The following ADGRE5 variants were observed in gnomAD, a reference collection of about 807,000 sequenced individuals.
ADGRE5 encodes the protein adhesion G protein-coupled receptor E5.
In ADGRE5, 72 loss-of-function variants were observed where a neutral mutation model predicts 100.3. The ratio of observed to expected loss-of-function variants is 0.72; its 90% CI spans 0.59 to 0.87. The LOEUF is 0.87. ADGRE5 is among the 40% of genes least tolerant of loss of function. ADGRE5 has a pLI of 0.00. For synonymous variants in ADGRE5, 439 were observed against 447.8 expected (o/e 0.98, Z 0.25); for missense variants, 959 against 1,094.7 (o/e 0.88, Z 1.75).
Position 14,388,481 on chromosome 19 carries a change from T to C in ADGRE5, c.54T>C (p.Ala18=). The part of the protein sequence containing the change: ...AFCVWLTLPG[A]ETQDSRGCAR... ...GTGTCTGGCTGACTCTGCCGGGAGC[T>C]GAAACCCAGGACTCCAGGGGTGAGT... Residue 18 remains alanine (A), a synonymous_variant, in exon 2 of 20, where the codon GCT becomes GCC. Coordinates refer to ENST00000242786, the MANE Select transcript of ADGRE5 (RefSeq NM_078481.4). The C allele has an allele frequency of 6.2e-7, 1 of 1,601,110 alleles. No individual in the cohort carries two copies. Among genetic ancestry groups the C allele is most frequent in the Non-Finnish European group, 8.5e-7 (1 of 1,172,926 alleles).
chr19:14,391,939 A>C (rs751902780), intron 4 of ADGRE5, among the ~76,000 whole-genome samples: 2 of 150,562 alleles, frequency 1.3e-5, no homozygotes, highest in Non-Finnish European at 3.0e-5. Flanking sequence ...TCTACTAAAA[A>C]TACAAAAATT....
rs141404743 is a variant in ADGRE5, at chr19:14,397,164, G to A, written c.566G>A (p.Arg189His). ...GTGGGCAGCTATCAGTGCCGCTGCC[G>A]CCCGGGCTGGCAACCGATTCCGGGG... ...NNVGSYQCRC[R>H]PGWQPIPGSP... Residue 189 changes from arginine (R) to histidine (H), a missense_variant, in exon 6 of 20, where the codon CGC becomes CAC. Arg to His is a conservative substitution (Grantham distance 29). Transcript: ENST00000242786. The A allele has an allele frequency of 1.1e-3, 1,802 of 1,614,078 alleles. 4 individuals carry two copies. The highest frequency in any genetic ancestry group is 1.5e-3 in the Non-Finnish European group (1,712 of 1,180,030).
chr19:14,403,022 CTTTA>C lies in ADGRE5; in HGVS notation c.1449+169_1449+172del, dbSNP rs965976640. ...ACCTCATTACTTATTTATTTCCTTA[CTTTA>C]TTTATTTAATTTAATTAATTAATTT... On this transcript the variant is annotated intron_variant, in intron 12 of 19. Coordinates refer to ENST00000242786, the MANE Select transcript of ADGRE5 (RefSeq NM_078481.4). Among the ~76,000 whole-genome samples, 9 of 152,088 alleles carry C rather than the reference CTTTA, an allele frequency of 5.9e-5. No individual in the cohort carries two copies. The South Asian group carries it at 1.0e-3, about 18-fold the overall frequency.
intron 1 of ADGRE5, among the ~76,000 whole-genome samples, chr19:14,386,240 G>A (rs62122580): frequency 0.18 from 26,620 of 151,220 alleles, 2,871 homozygotes; most frequent in South Asian, 0.25. Context: ...TTAGCCAGGC[G>A]TGGTGGTGGG....
rs767811429 is a variant in ADGRE5 at position 14,396,329 on chromosome 19, C to T, written c.347-13C>T. On this transcript the variant is annotated splice_polypyrimidine_tract_variant and intron_variant, in intron 4 of 19. Coordinates refer to ENST00000242786, the MANE Select transcript of ADGRE5 (RefSeq NM_078481.4). ...AGCTACGGGCATCCTTCACCCTCTC[C>T]TTCCTCTTGCAGATGTGGACGAATG... 5.6e-6 allele frequency: 9 copies of T among 1,614,160 alleles called. No individual in the cohort carries two copies. The highest frequency in any genetic ancestry group is 2.2e-5 in the South Asian group (2 of 91,094).
chr19:14,392,867 C>T (rs988816038), intron 4 of ADGRE5, among the ~76,000 whole-genome samples: 5 of 150,276 alleles, frequency 3.3e-5, no homozygotes, highest in African/African-American at 1.2e-4. Context: ...GACAGCACTG[C>T]ACTCCAGCTT....
At position 14,407,925 on chromosome 19, in the gene ADGRE5, G is replaced by C. The variant is rs956208084; in HGVS notation, c.2394G>C (p.Arg798=). The C allele has an allele frequency of 9.9e-6, 16 of 1,613,994 alleles. 1 individual carries two copies. The highest frequency in any genetic ancestry group is 1.4e-5 in the Non-Finnish European group (16 of 1,180,030). Residue 798 remains arginine (R), a synonymous_variant, in exon 19 of 20, where the codon CGG becomes CGC. Transcript: ENST00000242786. ...GCCGGCAGGTTCGGGAAGAATACCGGAAGTGGGCCTGCCTAGTTGCTGGGG... is the reference window on the plus strand; with the variant it reads ...GCCGGCAGGTTCGGGAAGAATACCGCAAGTGGGCCTGCCTAGTTGCTGGGG... ...LLNKKVREEY[R]KWACLVAGGS...
chr19:14,396,713 T>C (rs1975794273), intron 5 of ADGRE5, among the ~76,000 whole-genome samples: 1 of 152,240 alleles, frequency 6.6e-6, no homozygotes, highest in Non-Finnish European at 1.5e-5. Flanking sequence ...CCCTTCCTCA[T>C]CTGTCACGTG....
intron 4 of ADGRE5, among the ~76,000 whole-genome samples, chr19:14,395,318 AAC>A (rs1450070143): frequency 1.5e-4 from 23 of 151,672 alleles, no homozygotes; most frequent in African/African-American, 5.6e-4. Context: ...AAAAAAAAAA[AAC>A]AAAAACGCAC....
chr19:14,405,883 T>C lies in ADGRE5; in HGVS notation c.1765T>C (p.Cys589Arg). ...RTTIHLHLCI[C>R]LFVGSTIFLA... ...CACCATACACCTGCACCTCTGCATC[T>C]GCCTCTTCGTGGGCTCCACCATCTT... is the stretch of plus-strand genomic sequence containing the variant. The change falls in exon 14 of 20, where the codon TGC becomes CGC. Residue 589 changes from cysteine to arginine, a missense_variant. Physicochemically the swap from Cys to Arg is radical, Grantham distance 180 (BLOSUM62 -3). This residue lies in a region of ADGRE5 where 428 missense variants were observed against 386.2 expected (regional missense o/e 1.11). Transcript: ENST00000242786. 1 of 1,612,222 alleles carries C rather than the reference T, an allele frequency of 6.2e-7. No homozygotes were observed. Among genetic ancestry groups the C allele is most frequent in the Non-Finnish European group, 8.5e-7 (1 of 1,179,972 alleles).
Position 14,401,717 on chromosome 19 carries a change from C to T in ADGRE5, c.1140C>T (p.Arg380=). 1 of 1,579,402 alleles carries T rather than the reference C, an allele frequency of 6.3e-7. No homozygotes were observed. Among genetic ancestry groups the T allele is most frequent in the Non-Finnish European group, 8.6e-7 (1 of 1,163,154 alleles). The stretch of plus-strand genomic sequence containing the variant: ...TCACTATGGGTCAGAGCAGCGCACG[C>T]ATGAAGCTGAATTGGGCTGTGGCAG... The part of the protein sequence containing the change: ...KNVTMGQSSA[R]MKLNWAVAAG... The change falls in exon 11 of 20, where the codon CGC becomes CGT. Residue 380 remains arginine (R), a synonymous_variant. Coordinates refer to ENST00000242786, the MANE Select transcript of ADGRE5 (RefSeq NM_078481.4). This position sits in a 1 kb window ranked among gnomAD's most constrained non-coding sequence, Gnocchi z 4.1.
chr19:14,383,835 CA>C (rs1467994228), intron 1 of ADGRE5, among the ~76,000 whole-genome samples: 3 of 151,920 alleles, frequency 2.0e-5, no homozygotes, highest in Non-Finnish European at 4.4e-5. Flanking sequence ...GGATGGGGCA[CA>C]AAGGAACCCT....
intron 4 of ADGRE5, among the ~76,000 whole-genome samples, chr19:14,392,534 GGTTACTTTCACCTTGTTAAAAGGTTAAA>G (rs1194547287): frequency 4.6e-5 from 7 of 152,268 alleles, no homozygotes; most frequent in African/African-American, 9.6e-5. Context: ...ACCTTGGACA[GGTTACTTTCACCTTGTTAAAAGGTTAAA>G]GTTACTTTCA....
chr19:14,394,864 G>C (rs1475908873), intron 4 of ADGRE5, among the ~76,000 whole-genome samples: 1 of 152,126 alleles, frequency 6.6e-6, no homozygotes, highest in Non-Finnish European at 1.5e-5. Flanking sequence ...CACCTTTCTG[G>C]CCGTTTAGCC....
chr19:14,402,056 G>A (rs978888228), intron 11 of ADGRE5, among the ~76,000 whole-genome samples: 4 of 151,904 alleles, frequency 2.6e-5, no homozygotes, highest in Admixed American at 1.3e-4. Context: ...AATTGAGCCC[G>A]GGAGGTCAAG....
chr19:14,383,094 T>C (rs182811826), intron 1 of ADGRE5, among the ~76,000 whole-genome samples: 1 of 152,226 alleles, frequency 6.6e-6, no homozygotes, highest in East Asian at 1.9e-4. Context: ...TCCTAGTGGC[T>C]CAGGAGGCTG....
chr19:14,387,873 G>A (rs1357085521), intron 1 of ADGRE5, among the ~76,000 whole-genome samples: 1 of 151,540 alleles, frequency 6.6e-6, no homozygotes, highest in Non-Finnish European at 1.5e-5. Context: ...TCAGGAGTTC[G>A]AGACCAGCCT....
At position 14,408,064 on chromosome 19, in the gene ADGRE5, G is replaced by A. The variant is rs746536179; in HGVS notation, c.2479-28G>A. On this transcript the variant is annotated intron_variant, in intron 19 of 19. Transcript: ENST00000242786. ...GCAGGAAGGCACCAGGGCTAGCGGG[G>A]CTCAGGCCTCTGGGCTCTCCTCTCC... 6 of 1,614,096 alleles carry A rather than the reference G, an allele frequency of 3.7e-6. No individual in the cohort carries two copies. In the Admixed American group the frequency reaches 6.7e-5, roughly 18 times the overall value.
Position 14,401,793 on chromosome 19 carries a change from G to T in ADGRE5, c.1183+33G>T. 1 of 1,403,556 alleles carries T rather than the reference G, an allele frequency of 7.1e-7. No homozygotes were observed. The allele number at this position is 1,403,556 out of a possible 1,614,324, so 86.9% of individuals were successfully genotyped here. On this transcript the variant is annotated intron_variant, in intron 11 of 19. Transcript: ENST00000242786. This position sits in a 1 kb window ranked among gnomAD's most constrained non-coding sequence, Gnocchi z 4.1. ...CGGTGGTCTGGAGGGGGAGCCCGTG[G>T]GAGAGAGATGGAGGTGCTGGGATGG...
Sources: gnomAD v4.1 joint callset for allele counts (sites outside exome capture counted in the v4.1 genomes callset) on GRCh38, gnomAD v4.1.1 for gene constraint, gnomAD v4.1.1 regional missense constraint, Gnocchi (gnomAD v3.1) non-coding constraint, MANE v1.5 for transcripts, NCBI Gene and HGNC (gene_info 2026-07-23, HGNC 2026-07-21) for gene names.